The following EP400 variants were observed in gnomAD, a reference collection of about 807,000 sequenced individuals.
The protein encoded by EP400 is E1A-binding protein p400.
In EP400, 105 loss-of-function variants were observed where a neutral mutation model predicts 354.1. That is an observed-to-expected ratio of 0.30 (90% CI 0.25 to 0.35). The LOEUF is 0.35. Ranked by LOEUF, EP400 falls within the 10% of genes least tolerant of loss-of-function variation. The probability of loss-of-function intolerance (pLI) is 1.00; values close to 1 mark genes in which losing one functional copy is unlikely to be tolerated. For synonymous variants in EP400, 1,646 were observed against 1,716.9 expected (o/e 0.96, Z 1.02); for missense variants, 3,280 against 4,121.0 (o/e 0.80, Z 5.59).
Position 132,062,271 on chromosome 12 carries a change from C to T in EP400, c.8046C>T (p.Asn2682=), listed in dbSNP as rs1565932930. Residue 2682 remains asparagine (N), a synonymous_variant, in exon 46 of 53, where the codon AAC becomes AAT. Transcript: ENST00000389561. ...CAGCCTCGGCCGTGGTCACTACCAACCTGACCCCAGTGCAGACCCCGGCAC... is the reference window on the plus strand; with the variant it reads ...CAGCCTCGGCCGTGGTCACTACCAATCTGACCCCAGTGCAGACCCCGGCAC... ...SVTASAVVTT[N]LTPVQTPARS... The T allele has an allele frequency of 2.5e-6, 4 of 1,614,216 alleles. No homozygotes were observed. In the East Asian group the frequency reaches 6.7e-5, roughly 27 times the overall value.
In EP400 at chr12:132,062,280, A is replaced by G; in HGVS notation, c.8055A>G (p.Pro2685=). 1 of 1,614,200 alleles carries G rather than the reference A, an allele frequency of 6.2e-7. No homozygotes were observed. The change falls in exon 46 of 53, where the codon CCA becomes CCG. Residue 2685 remains proline (P), a synonymous_variant. Coordinates refer to ENST00000389561, the MANE Select transcript of EP400 (RefSeq NM_015409.5). ...ASAVVTTNLT[P]VQTPARSLVP... ...CCGTGGTCACTACCAACCTGACCCC[A>G]GTGCAGACCCCGGCACGGTCTTTGG... is the stretch of plus-strand genomic sequence containing the variant.
chr12:132,062,750 A>C (rs758325731), intron 47 of EP400, 49 bp downstream of exon 47: 13 of 1,604,122 alleles, frequency 8.1e-6, no homozygotes, highest in Middle Eastern at 1.7e-4. Context: ...GCGGTCAGTC[A>C]GCCCAGCGTC....
chr12:131,976,056 T>A (rs1285684648), intron 2 of EP400, among the ~76,000 whole-genome samples: 13 of 152,166 alleles, frequency 8.5e-5, no homozygotes, highest in Admixed American at 8.5e-4. Flanking sequence ...TTTTTTTTTA[T>A]TTCGGATGTT....
At chr12:132,044,520 A>C (rs1280119928) in intron 35 of EP400, 151 bp from the exon 36 acceptor site, 5 of 1,171,960 alleles carry the variant, frequency 4.3e-6, no homozygotes, top group Non-Finnish European at 6.0e-6. Context: ...GATATTGACC[A>C]GCTCTGATTA....
Position 132,006,793 on chromosome 12 carries a change from C to G in EP400, c.3220C>G (p.Leu1074Val), listed in dbSNP as rs765633798. The G allele has an allele frequency of 6.2e-7, 1 of 1,614,182 alleles. No individual in the cohort carries two copies. The highest frequency in any genetic ancestry group is 1.3e-5 in the African/African-American group (1 of 75,056). The change falls in exon 15 of 53, where the codon CTC (leucine) becomes GTC (valine). Residue 1074 changes from leucine to valine, a missense_variant. Transcript: ENST00000389561. ...DWLAKLYRKN[L>V]NGILADEAGL... ...GCTGGCCAAACTTTACAGGAAGAATCTCAATGGCATATTGGCAGATGAAGC... is the reference window on the plus strand; with the variant it reads ...GCTGGCCAAACTTTACAGGAAGAATGTCAATGGCATATTGGCAGATGAAGC...
chr12:131,965,637 T>C (rs1892048955), intron 2 of EP400, among the ~76,000 whole-genome samples: 1 of 152,196 alleles, frequency 6.6e-6, no homozygotes, highest in African/African-American at 2.4e-5. Flanking sequence ...TCATCAACCC[T>C]TCACGCCTCC....
At chr12:131,963,889 A>G (rs1487783313) in intron 2 of EP400, among the ~76,000 whole-genome samples, 2 of 152,184 alleles carry the variant, frequency 1.3e-5, no homozygotes, top group Non-Finnish European at 1.5e-5. Flanking sequence ...TTTAGCATGC[A>G]TGTCATCTAA....
rs1894419824 is a variant in EP400 at position 132,029,621 on chromosome 12, G to T, written c.5382-80G>T. 3 of 1,471,826 alleles carry T rather than the reference G, an allele frequency of 2.0e-6. No homozygotes were observed. Among genetic ancestry groups the T allele is most frequent in the East Asian group, 2.3e-5 (1 of 43,948 alleles). The allele number at this position is 1,471,826 out of a possible 1,614,324, so 91.2% of individuals were successfully genotyped here. A position where few individuals can be genotyped will look rare whatever the true frequency, so the allele number is the denominator to read the frequency against. On this transcript the variant is annotated intron_variant, in intron 27 of 52. Transcript: ENST00000389561. This position sits in a 1 kb window ranked among gnomAD's most constrained non-coding sequence, Gnocchi z 4.7. Reference sequence around the variant, plus strand: ...CTGGGACTTGGACTGTCAGAAGTCTGCCCCATCTTTCAGGAGCCCCCATGC... The same window carrying T: ...CTGGGACTTGGACTGTCAGAAGTCTTCCCCATCTTTCAGGAGCCCCCATGC...
chr12:131,982,257 G>A lies in EP400; in HGVS notation c.1708G>A (p.Ala570Thr), dbSNP rs951599758. ...RLPPAGVPTA[A>T]LSSALQFAQQ... ...GCCCCCAGCCGGTGTTCCCACTGCA[G>A]CCCTCTCCTCTGCGCTGCAGTTTGC... The change falls in exon 5 of 53, where the codon GCC becomes ACC. Residue 570 changes from alanine (A) to threonine (T), a missense_variant. Around this residue, in one of 20 missense-constraint regions of EP400, gnomAD observed 800 missense variants for 840.0 expected, o/e 0.95. Coordinates refer to ENST00000389561, the MANE Select transcript of EP400 (RefSeq NM_015409.5). The A allele has an allele frequency of 4.3e-6, 7 of 1,614,124 alleles. No individual in the cohort carries two copies. The highest frequency in any genetic ancestry group is 2.2e-5 in the South Asian group (2 of 91,076).
At chr12:131,951,065 ATT>A (rs750396319) in intron 1 of EP400, among the ~76,000 whole-genome samples, 3,497 of 104,130 alleles carry the variant, frequency 0.034, 63 homozygotes, top group African/African-American at 0.12. Context: ...ACGCCTGGCT[ATT>A]TTTTTTTTTT....
intron 45 of EP400, among the ~76,000 whole-genome samples, chr12:132,055,563 G>A (rs1229062791): frequency 2.2e-5 from 3 of 135,666 alleles, no homozygotes; most frequent in Non-Finnish European, 3.2e-5. Context: ...GTGAGGTGTA[G>A]GGGTGTGTGT....
rs752388086 is a variant in EP400 at position 132,066,765 on chromosome 12, A to C, written c.8554-9A>C. On this transcript the variant is annotated splice_polypyrimidine_tract_variant and intron_variant, in intron 48 of 52. Coordinates refer to ENST00000389561, the MANE Select transcript of EP400 (RefSeq NM_015409.5). ...TTCTCTGGACTCTCCCATTATTTCT[A>C]CTGTTTAGACCCGGGTTCCCACTTC... is the stretch of plus-strand genomic sequence containing the variant. The C allele has an allele frequency of 8.7e-6, 14 of 1,609,648 alleles. No individual in the cohort carries two copies. Among genetic ancestry groups the C allele is most frequent in the Non-Finnish European group, 1.2e-5 (14 of 1,178,510 alleles).
chr12:132,053,967 C>T (rs1895396887), intron 43 of EP400, among the ~76,000 whole-genome samples: 1 of 152,186 alleles, frequency 6.6e-6, no homozygotes, highest in Non-Finnish European at 1.5e-5. Flanking sequence ...GCAGGTACTG[C>T]CTGTGTCGGT....
chr12:132,043,812 TA>T (rs1894993150), intron 34 of EP400, 84 bp downstream of exon 34: 3 of 1,250,524 alleles, frequency 2.4e-6, no homozygotes, highest in Non-Finnish European at 3.4e-6. Context: ...GTGACTTCAT[TA>T]AATTAAAGTC....
At chr12:132,007,816 G>A (rs1332852897) in intron 15 of EP400, among the ~76,000 whole-genome samples, 2 of 152,210 alleles carry the variant, frequency 1.3e-5, no homozygotes, top group African/African-American at 4.8e-5. Flanking sequence ...TTAGGGAAGC[G>A]ATGACCCCAT....
chr12:131,960,707 G>GGGGCCC lies in EP400; in HGVS notation c.88_89insGGGCCC (p.Ala30delinsGlyAlaPro). 2.6e-6 allele frequency: 4 copies of GGGGCCC among 1,545,496 alleles called. No homozygotes were observed. Among genetic ancestry groups the GGGGCCC allele is most frequent in the Non-Finnish European group, 3.5e-6 (4 of 1,146,168 alleles). ...TGGCAGCGAGGGTGAGGAGCAGCCG[G>GGGGCCC]CCCACCCCAACCCACCCCCGTCCCC... On this transcript the variant is annotated protein_altering_variant, in exon 2 of 53. Transcript: ENST00000389561.
Position 131,979,654 on chromosome 12 carries a change from T to G in EP400, c.1336-40T>G, listed in dbSNP as rs1194039652. On this transcript the variant is annotated intron_variant, in intron 2 of 52. Coordinates refer to ENST00000389561, the MANE Select transcript of EP400 (RefSeq NM_015409.5). ...ATTTGAGTTTATTCTTGTAATGGCC[T>G]TCAGTGATCAAAATCTCATTTTTTC... The G allele has an allele frequency of 7.0e-6, 11 of 1,570,160 alleles. No individual in the cohort carries two copies. In the East Asian group the frequency reaches 2.3e-4, roughly 32 times the overall value.
chr12:131,981,711 G>C, intron 4 of EP400, 115 bp downstream of exon 4: 1 of 843,670 alleles, frequency 1.2e-6, no homozygotes. Context: ...TTGCAGTGGG[G>C]TGCCTGAAAT....
chr12:131,987,983 CTTT>C (rs778740521), intron 7 of EP400, 93 bp downstream of exon 7: 7,533 of 262,828 alleles, frequency 0.029, no homozygotes, highest in East Asian at 0.042. Context: ...TCCAGACCCA[CTTT>C]TTTTTTTTTT....
Sources: allele counts gnomAD v4.1 joint callset (sites outside exome capture counted in the v4.1 genomes callset), GRCh38; gene constraint gnomAD v4.1.1; regional missense constraint gnomAD v4.1.1; non-coding constraint Gnocchi (gnomAD v3.1); transcripts MANE v1.5; gene names NCBI Gene and HGNC (gene_info 2026-07-23, HGNC 2026-07-21).